The following LRFN5 variants were observed in gnomAD, a reference collection of about 807,000 sequenced individuals.
The protein encoded by LRFN5 is leucine-rich repeat and fibronectin type-III domain-containing protein 5.
LRFN5 carries 24 observed loss-of-function variants against 45.6 expected under a neutral mutation model. The observed-to-expected ratio is 0.53, with a 90% CI of 0.38 to 0.74. The LOEUF (loss-of-function observed/expected upper bound fraction) is 0.74. Ranked by LOEUF, LRFN5 falls within the 30% of genes least tolerant of loss-of-function variation. The pLI, the probability that LRFN5 is intolerant of heterozygous loss-of-function variation, is 0.00. For synonymous variants in LRFN5, 340 were observed against 313.8 expected (o/e 1.08, Z -0.88); for missense variants, 776 against 861.5 (o/e 0.90, Z 1.24).
At chr14:41,760,314 T>C (rs574127627) in intron 1 of LRFN5, among the ~76,000 whole-genome samples, 1 of 152,300 alleles carries the variant, frequency 6.6e-6, no homozygotes, top group Non-Finnish European at 1.5e-5. Context: ...CTTGTTCTAC[T>C]GGGCTCAAGC....
chr14:41,816,674 T>A (rs1365216508), intron 2 of LRFN5, among the ~76,000 whole-genome samples: 1 of 152,088 alleles, frequency 6.6e-6, no homozygotes, highest in Non-Finnish European at 1.5e-5. Flanking sequence ...AGAGGTAAGA[T>A]GTTTTTTATC....
intron 1 of LRFN5, among the ~76,000 whole-genome samples, chr14:41,746,864 G>A (rs1266696782): frequency 3.3e-5 from 5 of 151,790 alleles, no homozygotes; most frequent in African/African-American, 1.2e-4. Flanking sequence ...CAAAATAAGC[G>A]AATACAATGT....
intron 2 of LRFN5, among the ~76,000 whole-genome samples, chr14:41,811,966 GAAAT>G (rs1310449809): frequency 6.6e-6 from 1 of 152,052 alleles, no homozygotes; most frequent in Non-Finnish European, 1.5e-5. Context: ...AATAATTACA[GAAAT>G]AAATATGGAG....
At chr14:41,768,146 C>T (rs2138884980) in intron 2 of LRFN5, among the ~76,000 whole-genome samples, 1 of 152,164 alleles carries the variant, frequency 6.6e-6, no homozygotes, top group South Asian at 2.1e-4. Context: ...CGACATATTA[C>T]ATGTCAATAT....
At position 41,886,843 on chromosome 14, in the gene LRFN5, A is replaced by G. The variant is rs1409662166; in HGVS notation, c.218A>G (p.Asn73Ser). 5 of 1,613,988 alleles carry G rather than the reference A, an allele frequency of 3.1e-6. No homozygotes were observed. The highest frequency in any genetic ancestry group is 3.4e-6 in the Non-Finnish European group (4 of 1,180,014). Residue 73 changes from asparagine to serine, a missense_variant, in exon 3 of 6, where the codon AAT becomes AGT. Physicochemically the swap from Asn to Ser is conservative, Grantham distance 46. Coordinates refer to ENST00000298119, the MANE Select transcript of LRFN5 (RefSeq NM_152447.5). ...AATATTAAAAGGAAAGATTTTGCCA[A>G]TATGACCAGCTTGGTGGACCTGACT... ...VTNIKRKDFA[N>S]MTSLVDLTLS...
chr14:41,843,297 T>C (rs952626372), intron 2 of LRFN5, among the ~76,000 whole-genome samples: 2 of 152,008 alleles, frequency 1.3e-5, no homozygotes, highest in Non-Finnish European at 2.9e-5. Flanking sequence ...TCTCACTATG[T>C]TTCCCATGGT....
chr14:41,608,539 C>T lies in LRFN5; in HGVS notation c.-220C>T, dbSNP rs1303922541. ...TGCAGGCAGAAAGTCTTCCTACGAC[C>T]GTCTTTTCCCTTAGAGGCACCAGGT... On this transcript the variant is annotated 5_prime_UTR_variant, in exon 1 of 6. Coordinates refer to ENST00000298119, the MANE Select transcript of LRFN5 (RefSeq NM_152447.5). 6.6e-6 allele frequency: 1 copy of T among 152,668 alleles called. No individual in the cohort carries two copies. Among genetic ancestry groups the T allele is most frequent in the Non-Finnish European group, 1.5e-5 (1 of 68,056 alleles). 9.5% of individuals were successfully genotyped at this position (152,668 alleles called of 1,614,324 possible).
chr14:41,735,728 T>C (rs1199186208), intron 1 of LRFN5, among the ~76,000 whole-genome samples: 1 of 152,074 alleles, frequency 6.6e-6, no homozygotes, highest in Non-Finnish European at 1.5e-5. Context: ...TGACATTAGG[T>C]ATTTCTCCTA....
chr14:41,682,182 G>C (rs1215407549), intron 1 of LRFN5, among the ~76,000 whole-genome samples: 5 of 151,862 alleles, frequency 3.3e-5, no homozygotes, highest in Non-Finnish European at 7.4e-5. Context: ...TGACAAGGAG[G>C]TTGCAGTGAG....
rs534303462 is a variant in LRFN5 at position 41,608,052 on chromosome 14, G to A, written c.-707G>A. ...ACCAGCTCTTGAATTACGTGGATTC[G>A]GGTTGGAGGAGAACTTGAAGGAAAC... On this transcript the variant is annotated 5_prime_UTR_variant, in exon 1 of 6. Transcript: ENST00000298119. 1 of 152,274 alleles carries A rather than the reference G, an allele frequency of 6.6e-6. No homozygotes were observed. The highest frequency in any genetic ancestry group is 2.1e-4 in the South Asian group (1 of 4,822). The allele number at this position is 152,274 out of a possible 1,614,324, so 9.4% of individuals were successfully genotyped here.
chr14:41,796,214 A>C (rs959356830), intron 2 of LRFN5, among the ~76,000 whole-genome samples: 1 of 152,016 alleles, frequency 6.6e-6, no homozygotes, highest in African/African-American at 2.4e-5. Flanking sequence ...TTGATATTAC[A>C]ATTTTATTAA....
intron 2 of LRFN5, among the ~76,000 whole-genome samples, chr14:41,863,288 G>T (rs1889731611): frequency 6.6e-6 from 1 of 151,954 alleles, no homozygotes; most frequent in Non-Finnish European, 1.5e-5. Context: ...TTCTCCTCTT[G>T]TCTTTATTAT....
intron 1 of LRFN5, among the ~76,000 whole-genome samples, chr14:41,610,683 A>AAAAAAAAAAAAAAAAAAAAAAAAAAAAAT (rs1887720009): frequency 6.9e-6 from 1 of 144,658 alleles, no homozygotes. Context: ...AAAAAAAAAA[A>AAAAAAAAAAAAAAAAAAAAAAAAAAAAAT]GTGTATTGCC....
intron 1 of LRFN5, among the ~76,000 whole-genome samples, chr14:41,667,398 A>G (rs571412868): frequency 2.6e-4 from 40 of 152,312 alleles, no homozygotes; most frequent in African/African-American, 7.7e-4. Flanking sequence ...GCTGTCTAAT[A>G]CAGCAGCCAT....
chr14:41,747,713 T>C (rs1267841873), intron 1 of LRFN5, among the ~76,000 whole-genome samples: 4 of 151,898 alleles, frequency 2.6e-5, no homozygotes, highest in Admixed American at 6.6e-5. Context: ...ATACTATCAA[T>C]AGAGTAAGAA....
intron 2 of LRFN5, among the ~76,000 whole-genome samples, chr14:41,860,056 A>G (rs777805529): frequency 1.1e-4 from 16 of 152,180 alleles, no homozygotes; most frequent in Non-Finnish European, 2.2e-4. Flanking sequence ...ACTTGGTTCC[A>G]AGGACCGTGG....
intron 1 of LRFN5, among the ~76,000 whole-genome samples, chr14:41,639,949 ATTTTTTTT>A (rs34020254): frequency 5.0e-4 from 34 of 68,084 alleles, no homozygotes; most frequent in South Asian, 2.2e-3. Flanking sequence ...TGACTGGCTA[ATTTTTTTT>A]TTTTTTTTTT....
rs149654596 is a variant in LRFN5, at chr14:41,671,507, C to T, written c.-197+62945C>T. Among the ~76,000 whole-genome samples, 7 of 150,630 alleles carry T rather than the reference C, an allele frequency of 4.6e-5. No homozygotes were observed. The East Asian group carries it at 1.4e-3, about 30-fold the overall frequency. ...CCACTTTGAACAATTCACCTCTTTTCAAAGTGGTTAATTAAATCTTAAAAT... is the reference window on the plus strand; with the variant it reads ...CCACTTTGAACAATTCACCTCTTTTTAAAGTGGTTAATTAAATCTTAAAAT... On this transcript the variant is annotated intron_variant, in intron 1 of 5. Transcript: ENST00000298119.
At chr14:41,707,997 A>G (rs1221407993) in intron 1 of LRFN5, among the ~76,000 whole-genome samples, 2 of 152,078 alleles carry the variant, frequency 1.3e-5, no homozygotes, top group Admixed American at 1.3e-4. Flanking sequence ...GTTTTGAGCA[A>G]TAAATAAGAT....
Sources: gnomAD v4.1 joint callset for allele counts (sites outside exome capture counted in the v4.1 genomes callset) on GRCh38, gnomAD v4.1.1 for gene constraint, MANE v1.5 for transcripts, NCBI Gene and HGNC (gene_info 2026-07-23, HGNC 2026-07-21) for gene names.